The following TBXAS1 variants were observed in gnomAD, a reference collection of about 807,000 sequenced individuals.
The protein encoded by TBXAS1 is thromboxane A synthase 1.
In TBXAS1, 48 loss-of-function variants were observed where a neutral mutation model predicts 60.7. That is an observed-to-expected ratio of 0.79 (90% confidence interval 0.63 to 1.01). The LOEUF (loss-of-function observed/expected upper bound fraction) is 1.01, where lower values mean the gene tolerates loss of function less well. Ranked by LOEUF, TBXAS1 falls within the 50% of genes least tolerant of loss-of-function variation. TBXAS1 has a pLI of 0.00. For synonymous variants in TBXAS1, 287 were observed against 269.7 expected (o/e 1.06, Z -0.63); for missense variants, 685 against 686.3 (o/e 1.00, Z 0.02).
intron 4 of TBXAS1, among the ~76,000 whole-genome samples, chr7:139,794,832 A>G (rs1418400904): frequency 2.5e-4 from 37 of 150,986 alleles, no homozygotes; most frequent in Admixed American, 7.2e-4. Context: ...TGTCCCTACA[A>G]AGGACATGAA....
chr7:139,967,568 G>A (rs1023915080), intron 9 of TBXAS1, among the ~76,000 whole-genome samples: 17 of 152,176 alleles, frequency 1.1e-4, no homozygotes, highest in African/African-American at 3.9e-4. Flanking sequence ...CAGTGACTTC[G>A]AGAGGGTCAT....
chr7:139,954,889 T>C (rs1809714312), intron 6 of TBXAS1, among the ~76,000 whole-genome samples: 1 of 152,346 alleles, frequency 6.6e-6, no homozygotes, highest in South Asian at 2.1e-4. Context: ...ATTTGAGTGC[T>C]AAGAGCCCTT....
intron 4 of TBXAS1, chr7:139,913,028 T>C (rs1805660652): frequency 1.5e-6 from 1 of 686,582 alleles, no homozygotes; most frequent in African/African-American, 1.8e-5. Flanking sequence ...AGTGGAGTAA[T>C]TGGCCACTCA....
At chr7:139,819,498 TTTTG>T (rs933728449) in intron 4 of TBXAS1, among the ~76,000 whole-genome samples, 7 of 152,164 alleles carry the variant, frequency 4.6e-5, no homozygotes, top group Non-Finnish European at 2.9e-5. Flanking sequence ...AACTCTCTTC[TTTTG>T]TTTGTTTGTT....
intron 9 of TBXAS1, among the ~76,000 whole-genome samples, chr7:139,970,751 T>C (rs556380807): frequency 1.3e-5 from 2 of 152,140 alleles, no homozygotes; most frequent in Non-Finnish European, 2.9e-5. Context: ...CTTCAGTAAT[T>C]GTTTCCATGG....
chr7:139,951,938 AAGG>A (rs1409732530), intron 5 of TBXAS1, among the ~76,000 whole-genome samples: 4 of 30,542 alleles, frequency 1.3e-4, no homozygotes, highest in Non-Finnish European at 2.3e-4. Flanking sequence ...AGAGAGAAAG[AAGG>A]AAAGAAAGAA....
intron 3 of TBXAS1, among the ~76,000 whole-genome samples, chr7:139,905,023 C>CTTTCTTTT (rs1569511408): frequency 5.1e-5 from 4 of 78,658 alleles, no homozygotes; most frequent in Admixed American, 2.7e-4. Context: ...TTCTTTCTTT[C>CTTTCTTTT]TTTCTTTCTT....
intron 9 of TBXAS1, among the ~76,000 whole-genome samples, chr7:139,977,295 G>A (rs900191907): frequency 7.2e-5 from 11 of 152,228 alleles, no homozygotes; most frequent in Non-Finnish European, 1.3e-4. Flanking sequence ...AGAGGAGCAA[G>A]TCACATCTTA....
At chr7:139,939,370 C>CAAAAAAAAAA (rs61551753) in intron 5 of TBXAS1, among the ~76,000 whole-genome samples, 3 of 48,848 alleles carry the variant, frequency 6.1e-5, no homozygotes, top group Admixed American at 3.6e-4. Context: ...GACTCCATCT[C>CAAAAAAAAAA]AAAAAAAAAA....
chr7:139,910,356 G>A (rs1370172728), intron 3 of TBXAS1, among the ~76,000 whole-genome samples: 1 of 152,146 alleles, frequency 6.6e-6, no homozygotes, highest in Non-Finnish European at 1.5e-5. Context: ...TCTGTTGAGG[G>A]CTGGGCACAG....
chr7:139,955,779 C>G (rs1809824274), intron 7 of TBXAS1, among the ~76,000 whole-genome samples, 172 bp downstream of exon 7: 1 of 152,168 alleles, frequency 6.6e-6, no homozygotes. Flanking sequence ...TTGTCACCCG[C>G]CTAGGGCCAC....
At chr7:139,804,720 G>T (rs1164875320) in intron 4 of TBXAS1, among the ~76,000 whole-genome samples, 1 of 152,138 alleles carries the variant, frequency 6.6e-6, no homozygotes, top group Non-Finnish European at 1.5e-5. Context: ...TCTATAAACG[G>T]CAGTTCCCCT....
intron 4 of TBXAS1, among the ~76,000 whole-genome samples, chr7:139,805,431 G>A (rs1797822622): frequency 6.6e-6 from 1 of 152,212 alleles, no homozygotes; most frequent in African/African-American, 2.4e-5. Context: ...CCCCAAGGTA[G>A]GAGTGCTTCC....
chr7:139,856,228 C>G (rs1585643372), intron 1 of TBXAS1, among the ~76,000 whole-genome samples: 2 of 152,294 alleles, frequency 1.3e-5, no homozygotes, highest in Non-Finnish European at 2.9e-5. Flanking sequence ...CTTAATTGTT[C>G]TAGGGGGAGC....
intron 4 of TBXAS1, chr7:139,789,211 A>AATCTCTCT (rs1160290767): frequency 7.4e-6 from 1 of 134,486 alleles, no homozygotes; most frequent in Non-Finnish European, 1.5e-5. Context: ...TAATATGTTT[A>AATCTCTCT]ATCTCTCTCT....
In TBXAS1 at chr7:139,884,924, C is replaced by T. The variant is rs150580464; in HGVS notation, c.236+9287C>T. Among the ~76,000 whole-genome samples the T allele has an allele frequency of 9.0e-3, 1,377 of 152,324 alleles. 11 individuals carry two copies. Among genetic ancestry groups the T allele is most frequent in the Middle Eastern group, 0.02 (6 of 294 alleles). ...CCCAGGACCAGAAGCCAGACCTAAT[C>T]TCCGATATCAGTCAGGGTGGACAGG... On this transcript the variant is annotated intron_variant, in intron 3 of 12. Coordinates refer to ENST00000448866, the MANE Select transcript of TBXAS1 (RefSeq NM_001061.7).
chr7:140,000,741 TATAAA>T (rs1428615623), intron 9 of TBXAS1, among the ~76,000 whole-genome samples: 2 of 152,236 alleles, frequency 1.3e-5, no homozygotes, highest in Non-Finnish European at 2.9e-5. Flanking sequence ...GCAGTTATTT[TATAAA>T]ATAAGTCCCA....
intron 1 of TBXAS1, among the ~76,000 whole-genome samples, chr7:139,857,930 T>C (rs566234708): frequency 1.8e-4 from 27 of 151,876 alleles, no homozygotes; most frequent in Non-Finnish European, 2.9e-4. Context: ...GGTGGGGTCT[T>C]GCTATGTTGC....
chr7:139,935,561 A>T (rs1449794266), intron 4 of TBXAS1, among the ~76,000 whole-genome samples: 1 of 152,196 alleles, frequency 6.6e-6, no homozygotes, highest in Non-Finnish European at 1.5e-5. Context: ...AATTCATCCC[A>T]TAACACAGTA....
Sources: gnomAD v4.1 joint callset for allele counts (sites outside exome capture counted in the v4.1 genomes callset) on GRCh38, gnomAD v4.1.1 for gene constraint, MANE v1.5 for transcripts, NCBI Gene and HGNC (gene_info 2026-07-23, HGNC 2026-07-21) for gene names.